Variants in GRIA1 observed in about 807,000 individuals in gnomAD.
GRIA1 encodes glutamate receptor 1.
Under a neutral mutation model 99.2 loss-of-function variants are expected in GRIA1, and 31 were observed. That is an observed-to-expected ratio of 0.31 (90% CI 0.23 to 0.42). The LOEUF (loss-of-function observed/expected upper bound fraction) is 0.42, where lower values mean the gene tolerates loss of function less well. Among genes scored for constraint, GRIA1 ranks in the 10% least tolerant of loss-of-function variants. GRIA1 has a pLI of 1.00. For synonymous variants in GRIA1, 438 were observed against 432.4 expected, an observed-to-expected ratio of 1.01 and a Z score of -0.16; for missense variants, 782 against 1,157.5, an observed-to-expected ratio of 0.68 and a Z score of 4.71.
At chr5:153,753,346 G>C (rs557733395) in intron 11 of GRIA1, among the ~76,000 whole-genome samples, 3 of 152,334 alleles carry the variant, frequency 2.0e-5, no homozygotes, top group East Asian at 3.9e-4. Context: ...GCTGACCAAA[G>C]GTTCCGCTGG....
chr5:153,710,225 CAA>C (rs35534347), intron 11 of GRIA1, among the ~76,000 whole-genome samples: 1 of 139,212 alleles, frequency 7.2e-6, no homozygotes, highest in Admixed American at 7.1e-5. Flanking sequence ...GCTTCTTGTT[CAA>C]AAAAAAAAAA....
chr5:153,772,507 T>C (rs115490269), intron 13 of GRIA1, among the ~76,000 whole-genome samples: 4,408 of 152,248 alleles, frequency 0.029, 89 homozygotes, highest in South Asian at 0.049. Flanking sequence ...AACTTTTGTC[T>C]TTATTCAAAG....
At chr5:153,493,423 A>G (rs1400825389) in intron 1 of GRIA1, among the ~76,000 whole-genome samples, 1 of 152,226 alleles carries the variant, frequency 6.6e-6, no homozygotes, top group Non-Finnish European at 1.5e-5. Flanking sequence ...GTCCATGTAA[A>G]CAGTTATAGT....
intron 2 of GRIA1, among the ~76,000 whole-genome samples, chr5:153,529,848 C>A (rs890428366): frequency 1.3e-5 from 2 of 152,276 alleles, no homozygotes; most frequent in East Asian, 3.9e-4. Flanking sequence ...GGAATTCACA[C>A]AATAAAATGA....
At chr5:153,623,564 A>T (rs146530625) in intron 2 of GRIA1, among the ~76,000 whole-genome samples, 78 of 152,352 alleles carry the variant, frequency 5.1e-4, no homozygotes, top group African/African-American at 1.7e-3. Context: ...AATTGGTCTT[A>T]CTAAGAGACT....
intron 12 of GRIA1, among the ~76,000 whole-genome samples, chr5:153,765,867 C>G (rs947952125): frequency 6.6e-6 from 1 of 152,156 alleles, no homozygotes; most frequent in Non-Finnish European, 1.5e-5. Context: ...GGATAGGTCC[C>G]CATTTTATAG....
chr5:153,551,980 C>A (rs1409531020), intron 2 of GRIA1, among the ~76,000 whole-genome samples: 1 of 152,264 alleles, frequency 6.6e-6, no homozygotes, highest in South Asian at 2.1e-4. Context: ...GAAGCAGTCA[C>A]ATGCTCTATT....
chr5:153,557,194 C>G (rs1760723028), intron 2 of GRIA1, among the ~76,000 whole-genome samples: 1 of 152,140 alleles, frequency 6.6e-6, no homozygotes, highest in Non-Finnish European at 1.5e-5. Context: ...TAGGACATTA[C>G]TATGCACTAC....
At chr5:153,791,741 T>C (rs1765316236) in intron 13 of GRIA1, among the ~76,000 whole-genome samples, 1 of 152,168 alleles carries the variant, frequency 6.6e-6, no homozygotes, top group African/African-American at 2.4e-5. Context: ...GAAATAAATA[T>C]TAACTACAAC....
Position 153,600,163 on chromosome 5 carries a change from G to A in GRIA1, c.221-46765G>A, listed in dbSNP as rs368121634. Among the ~76,000 whole-genome samples, 192 of 152,078 alleles carry A rather than the reference G, an allele frequency of 1.3e-3. 1 individual carries two copies. In the East Asian group the frequency reaches 0.015, roughly 12 times the overall value. ...TCCCAGCACTTTCGGAGGCCGAGGC[G>A]GGTGGATCGCGAGGTCAGAAGATTG... On this transcript the variant is annotated intron_variant, in intron 2 of 15. Coordinates refer to ENST00000285900, the MANE Select transcript of GRIA1 (RefSeq NM_000827.4).
chr5:153,702,154 A>G (rs1406330522), intron 10 of GRIA1, among the ~76,000 whole-genome samples: 1 of 152,240 alleles, frequency 6.6e-6, no homozygotes, highest in Non-Finnish European at 1.5e-5. Context: ...AAATCCCACC[A>G]TCCAAATGCT....
At chr5:153,550,268 C>T (rs976075325) in intron 2 of GRIA1, among the ~76,000 whole-genome samples, 3 of 151,452 alleles carry the variant, frequency 2.0e-5, no homozygotes, top group Non-Finnish European at 4.4e-5. Context: ...GGGGTAAAGA[C>T]GTGTACACAC....
At chr5:153,682,755 C>G (rs931412027) in intron 7 of GRIA1, among the ~76,000 whole-genome samples, 1 of 152,208 alleles carries the variant, frequency 6.6e-6, no homozygotes, top group Non-Finnish European at 1.5e-5. Flanking sequence ...CTCTGCAAGA[C>G]CCATTGCAGG....
At chr5:153,498,228 C>G (rs941609384) in intron 2 of GRIA1, among the ~76,000 whole-genome samples, 1 of 152,182 alleles carries the variant, frequency 6.6e-6, no homozygotes, top group Non-Finnish European at 1.5e-5. Context: ...TCTACATGGC[C>G]TCTTTCCCAA....
At chr5:153,789,067 C>T (rs528301590) in intron 13 of GRIA1, among the ~76,000 whole-genome samples, 1 of 152,248 alleles carries the variant, frequency 6.6e-6, no homozygotes, top group East Asian at 1.9e-4. Context: ...TAAATTAATC[C>T]TTCAGATATT....
intron 13 of GRIA1, among the ~76,000 whole-genome samples, chr5:153,784,213 A>T (rs1764825873): frequency 6.6e-6 from 1 of 152,038 alleles, no homozygotes; most frequent in African/African-American, 2.4e-5. Context: ...GGTTTCCAGG[A>T]TGTGGAACTT....
At chr5:153,777,813 C>T (rs1352549886) in intron 13 of GRIA1, among the ~76,000 whole-genome samples, 2 of 152,166 alleles carry the variant, frequency 1.3e-5, no homozygotes, top group African/African-American at 4.8e-5. Context: ...CTCCCACTCT[C>T]ACAAGTAACA....
intron 2 of GRIA1, among the ~76,000 whole-genome samples, chr5:153,515,772 A>G (rs1756563243): frequency 6.6e-6 from 1 of 152,170 alleles, no homozygotes; most frequent in Non-Finnish European, 1.5e-5. Flanking sequence ...TAAAAAGGCT[A>G]TTTTTCTTGC....
chr5:153,653,198 A>G (rs1024264324), intron 4 of GRIA1, among the ~76,000 whole-genome samples: 3 of 152,240 alleles, frequency 2.0e-5, no homozygotes, highest in Non-Finnish European at 4.4e-5. Context: ...TAAGGAATCA[A>G]TGAAGCCTCT....
Sources: allele counts gnomAD v4.1 joint callset (sites outside exome capture counted in the v4.1 genomes callset), GRCh38; gene constraint gnomAD v4.1.1; transcripts MANE v1.5; gene names NCBI Gene and HGNC (gene_info 2026-07-23, HGNC 2026-07-21).